Variants in PHC2 observed in about 807,000 individuals in gnomAD.
PHC2 encodes the protein polyhomeotic-like protein 2.
In PHC2, 29 loss-of-function variants were observed where a neutral mutation model predicts 87.4. The ratio of observed to expected loss-of-function variants is 0.33; its 90% CI spans 0.25 to 0.45. The LOEUF (loss-of-function observed/expected upper bound fraction) is 0.45. PHC2 is among the 20% of genes least tolerant of loss of function. The pLI is 1.00. For missense variants in PHC2, 857 were observed against 1,136.7 expected (o/e 0.75, Z 3.54); for synonymous variants, 438 against 461.7 (o/e 0.95, Z 0.66).
chr1:33,426,049 C>T (rs1650655304), intron 1 of PHC2, among the ~76,000 whole-genome samples: 1 of 152,190 alleles, frequency 6.6e-6, no homozygotes, highest in Non-Finnish European at 1.5e-5. Context: ...CAAATCATTA[C>T]TCAGAGAGAC....
intron 1 of PHC2, among the ~76,000 whole-genome samples, chr1:33,415,489 T>C (rs1241025873): frequency 6.6e-6 from 1 of 152,208 alleles, no homozygotes; most frequent in Non-Finnish European, 1.5e-5. Context: ...GAAGCAACGT[T>C]TGAAAGGATC....
rs72658275 is a variant in PHC2 at position 33,382,399 on chromosome 1, C to T, written c.-54-6806G>A. On this transcript the variant is annotated intron_variant, in intron 1 of 14. Coordinates refer to ENST00000683057, the MANE Select transcript of PHC2 (RefSeq NM_001385109.1). This position sits in a 1 kb window ranked among gnomAD's most constrained non-coding sequence, Gnocchi z 4.3. ...GTATCTAGGCTTTCAGTATTCTACC[C>T]ACCCCTTTTCAATTTCCTTTTAATT... Among the ~76,000 whole-genome samples the T allele has an allele frequency of 0.098, 14,842 of 151,988 alleles. 1,031 individuals are homozygous for T. Among genetic ancestry groups the T allele is most frequent in the East Asian group, 0.28 (1,423 of 5,164 alleles).
chr1:33,354,659 G>C, intron 8 of PHC2, 93 bp from the exon 9 acceptor site: 1 of 1,409,608 alleles, frequency 7.1e-7, no homozygotes, highest in South Asian at 1.4e-5. Flanking sequence ...TGGGAAGCAG[G>C]TAAGGACCTT....
At position 33,349,570 on chromosome 1, in the gene PHC2, G is replaced by T; in HGVS notation, c.1558+4831C>A. Reference sequence around the variant, plus strand: ...CGGCCCCCGGCCTCCCTACTGGCGAGAACCCCTCCCCCGCCCCGGCACTGA... The same window carrying T: ...CGGCCCCCGGCCTCCCTACTGGCGATAACCCCTCCCCCGCCCCGGCACTGA... On this transcript the variant is annotated intron_variant, in intron 9 of 14. Coordinates refer to ENST00000683057, the MANE Select transcript of PHC2 (RefSeq NM_001385109.1). This position sits in a 1 kb window ranked among gnomAD's most constrained non-coding sequence, Gnocchi z 4.2. 1.0e-6 allele frequency: 1 copy of T among 983,544 alleles called. No homozygotes were observed. The highest frequency in any genetic ancestry group is 1.2e-6 in the Non-Finnish European group (1 of 828,656). 60.9% of individuals were successfully genotyped at this position (983,544 alleles called of 1,614,324 possible). A position where few individuals can be genotyped will look rare whatever the true frequency, so the allele number is the denominator to read the frequency against.
At chr1:33,379,909 G>A (rs1225374526) in intron 1 of PHC2, among the ~76,000 whole-genome samples, 2 of 152,094 alleles carry the variant, frequency 1.3e-5, no homozygotes, top group Non-Finnish European at 2.9e-5. Flanking sequence ...CACCCTTGCT[G>A]CACATGCTCC....
chr1:33,329,577 A>T (rs963437129), intron 13 of PHC2, among the ~76,000 whole-genome samples: 2 of 152,232 alleles, frequency 1.3e-5, no homozygotes, highest in African/African-American at 4.8e-5. Context: ...CTGTGTCCTT[A>T]GAGCCTAGTG....
Position 33,324,600 on chromosome 1 carries a change from T to C in PHC2, c.*265A>G. On this transcript the variant is annotated 3_prime_UTR_variant, in exon 15 of 15. Coordinates refer to ENST00000683057, the MANE Select transcript of PHC2 (RefSeq NM_001385109.1). ...GGGGAAGAGAGCGGGGCTAGAGTAT[T>C]GGGACTTTGGAGGAAGCCAGTGCTA... 1 of 379,164 alleles carries C rather than the reference T, an allele frequency of 2.6e-6. No individual in the cohort carries two copies. The highest frequency in any genetic ancestry group is 4.8e-6 in the Non-Finnish European group (1 of 208,964). The allele number at this position is 379,164 out of a possible 1,614,324, so 23.5% of individuals were successfully genotyped here.
At chr1:33,348,046 A>G (rs969225461) in intron 9 of PHC2, among the ~76,000 whole-genome samples, 3 of 152,262 alleles carry the variant, frequency 2.0e-5, no homozygotes, top group Non-Finnish European at 4.4e-5. Flanking sequence ...TACTTTACCT[A>G]AAATGGGAGC....
intron 1 of PHC2, among the ~76,000 whole-genome samples, chr1:33,387,616 C>T (rs1414344633): frequency 6.6e-6 from 1 of 152,242 alleles, no homozygotes; most frequent in Non-Finnish European, 1.5e-5. Flanking sequence ...ACAGACACTA[C>T]TTCCTCATTT....
intron 1 of PHC2, among the ~76,000 whole-genome samples, chr1:33,385,373 G>A (rs1410288591): frequency 2.0e-5 from 3 of 152,216 alleles, no homozygotes; most frequent in African/African-American, 7.2e-5. Flanking sequence ...TAGAAAAGGG[G>A]AGAGACGTTC....
intron 12 of PHC2, among the ~76,000 whole-genome samples, chr1:33,330,846 A>G (rs891845116): frequency 7.9e-5 from 12 of 152,230 alleles, no homozygotes; most frequent in African/African-American, 1.4e-4. Context: ...CCTAACCTGT[A>G]TAAAGGGGAC....
At chr1:33,384,665 G>C (rs1161099096) in intron 1 of PHC2, among the ~76,000 whole-genome samples, 1 of 152,078 alleles carries the variant, frequency 6.6e-6, no homozygotes, top group Non-Finnish European at 1.5e-5. Context: ...CCATCTCCCT[G>C]GCCGGAGCGC....
intron 1 of PHC2, among the ~76,000 whole-genome samples, chr1:33,383,267 C>A (rs1648574964): frequency 6.6e-6 from 1 of 152,172 alleles, no homozygotes; most frequent in Non-Finnish European, 1.5e-5. Context: ...ATGGATGCAG[C>A]TCAAACCATC....
At chr1:33,330,269 G>A in intron 12 of PHC2, 57 bp from the exon 13 acceptor site, 1 of 1,584,556 alleles carries the variant, frequency 6.3e-7, no homozygotes, top group East Asian at 2.2e-5. Context: ...ATGGGCCGTA[G>A]GCAGAATGAG....
intron 9 of PHC2, chr1:33,347,188 C>T: frequency 2.0e-6 from 2 of 985,366 alleles, no homozygotes; most frequent in Non-Finnish European, 2.4e-6. Flanking sequence ...GGCTTGGTGG[C>T]AGGAAGAGAA....
At position 33,324,709 on chromosome 1, in the gene PHC2, C is replaced by T; in HGVS notation, c.*156G>A. The stretch of plus-strand genomic sequence containing the variant: ...ACAGAAATGAAAGGCCCCTGAGAGC[C>T]ATGGAGGAGGTGCCCAGACCTCCTC... On this transcript the variant is annotated 3_prime_UTR_variant, in exon 15 of 15. Coordinates refer to ENST00000683057, the MANE Select transcript of PHC2 (RefSeq NM_001385109.1). 1 of 649,146 alleles carries T rather than the reference C, an allele frequency of 1.5e-6. No homozygotes were observed. The highest frequency in any genetic ancestry group is 2.5e-6 in the Non-Finnish European group (1 of 405,006). The allele number at this position is 649,146 out of a possible 1,614,324, so 40.2% of individuals were successfully genotyped here.
At position 33,324,629 on chromosome 1, in the gene PHC2, A is replaced by C; in HGVS notation, c.*236T>G. On this transcript the variant is annotated 3_prime_UTR_variant, in exon 15 of 15. Coordinates refer to ENST00000683057, the MANE Select transcript of PHC2 (RefSeq NM_001385109.1). ...ACTTTGGAGGAAGCCAGTGCTATCA[A>C]TATTTACAAGCATAAAGCCCCATCT... is the stretch of plus-strand genomic sequence containing the variant. 2.3e-6 allele frequency: 1 copy of C among 444,084 alleles called. No homozygotes were observed. Among genetic ancestry groups the C allele is most frequent in the East Asian group, 3.4e-5 (1 of 29,112 alleles). The allele number at this position is 444,084 out of a possible 1,614,324, so 27.5% of individuals were successfully genotyped here.
chr1:33,353,980 C>G (rs1039844624), intron 9 of PHC2, among the ~76,000 whole-genome samples: 1 of 152,060 alleles, frequency 6.6e-6, no homozygotes, highest in Non-Finnish European at 1.5e-5. Flanking sequence ...CTTCTGCCTC[C>G]CCCTGGCATT....
At position 33,354,918 on chromosome 1, in the gene PHC2, C is replaced by T. The variant is rs202093854; in HGVS notation, c.1312G>A (p.Glu438Lys). 469 of 1,614,186 alleles carry T rather than the reference C, an allele frequency of 2.9e-4. 4 individuals are homozygous for T. The highest frequency in any genetic ancestry group is 2.3e-3 in the South Asian group (213 of 91,078). Residue 438 changes from glutamate (E) to lysine (K), a missense_variant, in exon 8 of 15, where the codon GAG (glutamate) becomes AAG (lysine). Around this residue, in one of 3 missense-constraint regions of PHC2, gnomAD observed 832 missense variants for 1,081.8 expected, o/e 0.77. Coordinates refer to ENST00000683057, the MANE Select transcript of PHC2 (RefSeq NM_001385109.1). Reference protein sequence around the residue: ...PDTGPQNGHPEGVPHTPQRRF... With the variant: ...PDTGPQNGHPKGVPHTPQRRF... The stretch of plus-strand genomic sequence containing the variant: ...CGTTGAGGGGTGTGGGGCACGCCCT[C>T]GGGATGTCCATTCTGAGGCCCAGTA...
Sources: gnomAD v4.1 joint callset for allele counts (sites outside exome capture counted in the v4.1 genomes callset) on GRCh38, gnomAD v4.1.1 for gene constraint, gnomAD v4.1.1 regional missense constraint, Gnocchi (gnomAD v3.1) non-coding constraint, MANE v1.5 for transcripts, NCBI Gene and HGNC (gene_info 2026-07-23, HGNC 2026-07-21) for gene names.